The following SLC8B1 variants were observed in gnomAD, a reference collection of about 807,000 sequenced individuals.
SLC8B1 encodes the protein mitochondrial sodium/calcium exchanger protein.
SLC8B1 carries 52 observed loss-of-function variants against 63.4 expected under a neutral mutation model. The observed-to-expected ratio is 0.82, with a 90% confidence interval of 0.66 to 1.03. The LOEUF is 1.03. Among genes scored for constraint, SLC8B1 ranks in the 50% least tolerant of loss-of-function variants. The pLI, the probability that SLC8B1 is intolerant of heterozygous loss-of-function variation, is 0.00. For missense variants in SLC8B1, 657 were observed against 741.7 expected, an observed-to-expected ratio of 0.89 and a Z score of 1.33; for synonymous variants, 336 against 323.9, an observed-to-expected ratio of 1.04 and a Z score of -0.40.
chr12:113,323,942 G>A (rs1566241699), intron 2 of SLC8B1, among the ~76,000 whole-genome samples: 1 of 152,034 alleles, frequency 6.6e-6, no homozygotes, highest in Non-Finnish European at 1.5e-5. Flanking sequence ...AGCAGAGACT[G>A]AAACCCCCAG....
At chr12:113,302,622 G>C (rs1956604601) in intron 15 of SLC8B1, 1 of 456,000 alleles carries the variant, frequency 2.2e-6, no homozygotes, top group Non-Finnish European at 4.4e-6. Flanking sequence ...CCAACACGCA[G>C]TGAAGACATG....
At position 113,321,248 on chromosome 12, in the gene SLC8B1, C is replaced by T. The variant is rs1252337164; in HGVS notation, c.257G>A (p.Gly86Asp). Residue 86 changes from glycine to aspartate, a missense_variant, in exon 3 of 16, where the codon GGC becomes GAC. Physicochemically the swap from Gly to Asp is moderately conservative, Grantham distance 94. Transcript: ENST00000680972. ...GCTGGGAGGGAAGTGGCAGAAGATG[C>T]CTTCCAGGTAGTCCAGGTACCCCCC... is the stretch of plus-strand genomic sequence containing the variant. ...SDGGYLDYLE[G>D]IFCHFPPSLL... 2 of 1,614,046 alleles carry T rather than the reference C, an allele frequency of 1.2e-6. No individual in the cohort carries two copies. Among genetic ancestry groups the T allele is most frequent in the Non-Finnish European group, 1.7e-6 (2 of 1,180,036 alleles).
chr12:113,317,233 G>A (rs1055754194), intron 8 of SLC8B1, among the ~76,000 whole-genome samples: 16 of 151,982 alleles, frequency 1.1e-4, no homozygotes, highest in East Asian at 3.9e-4. Flanking sequence ...CCTCCCTCCC[G>A]AGTAGCTGAG....
chr12:113,321,488 G>T, intron 2 of SLC8B1, 140 bp from the exon 3 acceptor site: 1 of 982,606 alleles, frequency 1.0e-6, no homozygotes, highest in Non-Finnish European at 1.5e-6. Flanking sequence ...AACTATGGAT[G>T]CACTTTTAAT....
chr12:113,330,364 G>C (rs1593263037), intron 2 of SLC8B1, among the ~76,000 whole-genome samples: 1 of 152,336 alleles, frequency 6.6e-6, no homozygotes, highest in South Asian at 2.1e-4. Context: ...TGCCCCATCT[G>C]TCCTGTGAGG....
At chr12:113,326,198 C>T (rs994561319) in intron 2 of SLC8B1, among the ~76,000 whole-genome samples, 4 of 152,106 alleles carry the variant, frequency 2.6e-5, no homozygotes, top group Non-Finnish European at 5.9e-5. Flanking sequence ...TTTCCATTTC[C>T]ATAAATATTT....
rs777137684 is a variant in SLC8B1, at chr12:113,307,878, C to G, written c.1258-34G>C. 1.6e-5 allele frequency: 25 copies of G among 1,601,826 alleles called. No homozygotes were observed. In the Admixed American group the frequency reaches 3.9e-4, roughly 25 times the overall value. ...GGAATGGTTTGCTGTGGGACCAAGG[C>G]CAGCCCCAACAGGAACACAGCCTCA... On this transcript the variant is annotated intron_variant, in intron 12 of 15. Transcript: ENST00000680972.
At chr12:113,317,137 T>C in intron 8 of SLC8B1, 136 bp from the exon 9 acceptor site, 2 of 780,338 alleles carry the variant, frequency 2.6e-6, no homozygotes, top group South Asian at 3.3e-5. Flanking sequence ...TCTTTCTCTG[T>C]CACCCAGGCT....
At chr12:113,307,626 G>C in intron 13 of SLC8B1, 65 bp downstream of exon 13, 1 of 1,559,934 alleles carries the variant, frequency 6.4e-7, no homozygotes. Context: ...ACTCTGGCTG[G>C]GGGAGGAAAG....
chr12:113,327,366 C>T (rs1002498640), intron 2 of SLC8B1, among the ~76,000 whole-genome samples: 1 of 152,116 alleles, frequency 6.6e-6, no homozygotes, highest in Non-Finnish European at 1.5e-5. Context: ...CCTCAGTGTT[C>T]TCCTCTGAAC....
intron 10 of SLC8B1, among the ~76,000 whole-genome samples, chr12:113,315,753 G>C (rs987488878): frequency 6.6e-6 from 1 of 152,190 alleles, no homozygotes; most frequent in Non-Finnish European, 1.5e-5. Context: ...AGCTCTAGGG[G>C]AGACTGAGGG....
rs1224646571 is a variant in SLC8B1 at position 113,320,627 on chromosome 12, G to A, written c.480C>T (p.Ala160=). Residue 160 remains alanine (A), a synonymous_variant, in exon 6 of 16, where the codon GCC becomes GCT. Transcript: ENST00000680972. This position sits in a 1 kb window ranked among gnomAD's most constrained non-coding sequence, Gnocchi z 5.3. ...GAPDIFSALV[A]FSDPHTAGLA... is the part of the protein sequence containing the mutation. ...GGCCGGCTGTGTGCGGGTCAGAGAAGGCCACCAGGGCACTGAAGATGTCAG... is the reference window on the plus strand; with the variant it reads ...GGCCGGCTGTGTGCGGGTCAGAGAAAGCCACCAGGGCACTGAAGATGTCAG... 2 of 1,614,114 alleles carry A rather than the reference G, an allele frequency of 1.2e-6. No homozygotes were observed. Among genetic ancestry groups the A allele is most frequent in the Admixed American group, 1.7e-5 (1 of 60,026 alleles).
intron 2 of SLC8B1, among the ~76,000 whole-genome samples, chr12:113,328,133 A>C (rs1186648374): frequency 6.6e-6 from 1 of 152,104 alleles, no homozygotes; most frequent in Non-Finnish European, 1.5e-5. Flanking sequence ...CTCAGGCTCA[A>C]GCAGTCTCCT....
chr12:113,320,238 T>C lies in SLC8B1; in HGVS notation c.694+93A>G. ...CTTGTAATCAAATCAAAGCCCCCAC[T>C]GACCACCCCTCACACCTCTCTGTCC... On this transcript the variant is annotated intron_variant, in intron 7 of 15. Coordinates refer to ENST00000680972, the MANE Select transcript of SLC8B1 (RefSeq NM_001358345.2). This position sits in a 1 kb window ranked among gnomAD's most constrained non-coding sequence, Gnocchi z 5.3. 6.9e-7 allele frequency: 1 copy of C among 1,441,180 alleles called. No individual in the cohort carries two copies. Among genetic ancestry groups the C allele is most frequent in the Non-Finnish European group, 9.4e-7 (1 of 1,066,640 alleles). 89.3% of individuals were successfully genotyped at this position (1,441,180 alleles called of 1,614,324 possible).
At chr12:113,312,339 CAGG>C (rs1956776253) in intron 11 of SLC8B1, among the ~76,000 whole-genome samples, 1 of 152,278 alleles carries the variant, frequency 6.6e-6, no homozygotes, top group African/African-American at 2.4e-5. Context: ...GAGACTGAGG[CAGG>C]AGAATCATTT....
chr12:113,300,171 G>A (rs547088059), intron 15 of SLC8B1, among the ~76,000 whole-genome samples, 197 bp from the exon 16 acceptor site: 1 of 152,204 alleles, frequency 6.6e-6, no homozygotes, highest in East Asian at 1.9e-4. Context: ...CAACAACAAT[G>A]CACCCTCAAC....
intron 13 of SLC8B1, 67 bp from the exon 14 acceptor site, chr12:113,306,642 C>T: frequency 3.0e-6 from 4 of 1,313,668 alleles, no homozygotes; most frequent in Non-Finnish European, 4.4e-6. Flanking sequence ...TCATCCACGC[C>T]TTCATTCTCA....
intron 15 of SLC8B1, among the ~76,000 whole-genome samples, chr12:113,303,714 AC>A (rs1322906061): frequency 2.0e-5 from 3 of 152,082 alleles, no homozygotes; most frequent in Non-Finnish European, 2.9e-5. Context: ...GCCACATGCT[AC>A]CTACCCAAAT....
chr12:113,317,336 G>A (rs562406859), intron 8 of SLC8B1, among the ~76,000 whole-genome samples: 115 of 152,222 alleles, frequency 7.6e-4, no homozygotes, highest in South Asian at 4.4e-3. Context: ...CAGTCCACCC[G>A]CCTCAGCTTC....
Sources: gnomAD v4.1 joint callset for allele counts (sites outside exome capture counted in the v4.1 genomes callset) on GRCh38, gnomAD v4.1.1 for gene constraint, Gnocchi (gnomAD v3.1) non-coding constraint, MANE v1.5 for transcripts, NCBI Gene and HGNC (gene_info 2026-07-23, HGNC 2026-07-21) for gene names.